The following RNF10 variants were observed in gnomAD, a reference collection of about 807,000 sequenced individuals.
RNF10 encodes the protein ring finger protein 10.
Under a neutral mutation model 91.4 loss-of-function variants are expected in RNF10, and 38 were observed. The observed-to-expected ratio is 0.42, with a 90% CI of 0.32 to 0.54. The LOEUF (loss-of-function observed/expected upper bound fraction) is 0.54, where lower values mean the gene tolerates loss of function less well. RNF10 is among the 20% of genes least tolerant of loss of function. RNF10 has a pLI of 0.16. For missense variants in RNF10, 945 were observed against 1,012.0 expected (o/e 0.93, Z 0.90); for synonymous variants, 364 against 366.3 (o/e 0.99, Z 0.07).
intron 14 of RNF10, chr12:120,574,961 C>G (rs1226171852): frequency 1.2e-5 from 2 of 164,738 alleles, no homozygotes; most frequent in African/African-American, 5.1e-5. Context: ...GGTACTAGGC[C>G]GGGCACAGTG....
At chr12:120,572,317 C>T (rs371145531) in intron 14 of RNF10, among the ~76,000 whole-genome samples, 25 of 152,198 alleles carry the variant, frequency 1.6e-4, no homozygotes, top group African/African-American at 6.0e-4. Flanking sequence ...CCGCCTGCCT[C>T]AGCCTCCCAA....
Position 120,571,192 on chromosome 12 carries a change from C to T in RNF10, c.2043C>T (p.Asp681=). ...ATCAGGTCTCTGGTTCCCTTTCAGA[C>T]TTTCTGCTGACCCCTCTGTCACCCA... ...PLSRSPGSHA[D]FLLTPLSPTA... is the part of the protein sequence containing the mutation. The change falls in exon 14 of 17, where the codon GAC becomes GAT. Residue 681 remains aspartate (D), a splice_region_variant and synonymous_variant. Coordinates refer to ENST00000325954, the MANE Select transcript of RNF10 (RefSeq NM_014868.5). The T allele has an allele frequency of 6.2e-7, 1 of 1,612,448 alleles. No individual in the cohort carries two copies. Among genetic ancestry groups the T allele is most frequent in the Non-Finnish European group, 8.5e-7 (1 of 1,178,734 alleles).
chr12:120,560,722 A>G lies in RNF10; in HGVS notation c.968-4A>G. 6.2e-7 allele frequency: 1 copy of G among 1,610,538 alleles called. No homozygotes were observed. Among genetic ancestry groups the G allele is most frequent in the Non-Finnish European group, 8.5e-7 (1 of 1,177,354 alleles). ...TTTCTTTGATCTTGCTGGCATTCTT[A>G]TAGATGAACAGCACAGCCAGTACTC... On this transcript the variant is annotated splice_polypyrimidine_tract_variant and splice_region_variant and intron_variant, in intron 6 of 16. Coordinates refer to ENST00000325954, the MANE Select transcript of RNF10 (RefSeq NM_014868.5).
At chr12:120,535,250 T>G (rs1373749174) in intron 1 of RNF10, among the ~76,000 whole-genome samples, 2 of 152,224 alleles carry the variant, frequency 1.3e-5, no homozygotes, top group Non-Finnish European at 2.9e-5. Flanking sequence ...CCAGCTAGTA[T>G]TTGGCTCACA....
At chr12:120,535,119 ATTAATG>A (rs1870555625) in intron 1 of RNF10, 151 bp downstream of exon 1, 1 of 870,454 alleles carries the variant, frequency 1.1e-6, no homozygotes, top group Non-Finnish European at 1.7e-6. Flanking sequence ...TTGCAGTTAC[ATTAATG>A]AGCGCTGTGC....
intron 14 of RNF10, 115 bp downstream of exon 14, chr12:120,571,406 A>G (rs1323989545): frequency 3.9e-6 from 3 of 775,586 alleles, no homozygotes; most frequent in African/African-American, 1.7e-5. Flanking sequence ...GGCTGGACAA[A>G]TTGAGTCATC....
chr12:120,562,009 T>C (rs1377067842), intron 7 of RNF10, among the ~76,000 whole-genome samples: 1 of 152,120 alleles, frequency 6.6e-6, no homozygotes, highest in African/African-American at 2.4e-5. Context: ...CTTTTATTTT[T>C]TTTAACTTTT....
rs759696966 is a variant in RNF10, at chr12:120,565,187, C to T, written c.1781C>T (p.Ser594Leu). The T allele has an allele frequency of 6.3e-7, 1 of 1,591,564 alleles. No homozygotes were observed. The highest frequency in any genetic ancestry group is 8.6e-7 in the Non-Finnish European group (1 of 1,159,464). The change falls in exon 11 of 17, where the codon TCA becomes TTA. Residue 594 changes from serine (S) to leucine (L), a missense_variant and splice_region_variant. Coordinates refer to ENST00000325954, the MANE Select transcript of RNF10 (RefSeq NM_014868.5). ...VVSKETLEMF[S>L]DDIEKRKRQR... ...TCTAAGGAAACCCTAGAGATGTTCTCAGGTGAGAATGCCCCTGCTCTGCTT... is the reference window on the plus strand; with the variant it reads ...TCTAAGGAAACCCTAGAGATGTTCTTAGGTGAGAATGCCCCTGCTCTGCTT...
intron 3 of RNF10, among the ~76,000 whole-genome samples, chr12:120,553,650 G>T (rs1873523628): frequency 6.6e-6 from 1 of 151,866 alleles, no homozygotes; most frequent in South Asian, 2.1e-4. Context: ...TGATCCACCC[G>T]CCTCGGCCTC....
chr12:120,541,965 C>A (rs112865272), intron 1 of RNF10, among the ~76,000 whole-genome samples: 7,441 of 151,416 alleles, frequency 0.049, 260 homozygotes, highest in East Asian at 0.12. Context: ...CTCCCAGGTT[C>A]ACACCGTTCT....
chr12:120,540,796 A>G (rs746826819), intron 1 of RNF10, among the ~76,000 whole-genome samples: 10 of 152,092 alleles, frequency 6.6e-5, no homozygotes, highest in Non-Finnish European at 1.3e-4. Context: ...TTTCCTTGCC[A>G]GTGTGGTAAT....
At chr12:120,556,420 A>C (rs1367785706) in intron 4 of RNF10, among the ~76,000 whole-genome samples, 4 of 148,326 alleles carry the variant, frequency 2.7e-5, no homozygotes, top group South Asian at 2.2e-4. Flanking sequence ...AGTCACAGCT[A>C]CTTGGGAGGC....
Position 120,571,223 on chromosome 12 carries a change from A to G in RNF10, c.2074A>G (p.Ser692Gly), listed in dbSNP as rs1372082987. ...FLLTPLSPTA[S>G]QGSPSFCVGS... ...GCTGACCCCTCTGTCACCCACTGCC[A>G]GTCAGGGCAGTCCCTCATTCTGCGT... Residue 692 changes from serine (S) to glycine (G), a missense_variant, in exon 14 of 17, where the codon AGT becomes GGT. By Grantham distance (56) the Ser-to-Gly change is moderately conservative. Transcript: ENST00000325954. 6.2e-7 allele frequency: 1 copy of G among 1,613,924 alleles called. No individual in the cohort carries two copies. Among genetic ancestry groups the G allele is most frequent in the East Asian group, 2.2e-5 (1 of 44,884 alleles).
chr12:120,550,246 T>C (rs75652711), intron 2 of RNF10, among the ~76,000 whole-genome samples: 4,538 of 152,056 alleles, frequency 0.03, 235 homozygotes, highest in African/African-American at 0.1. Flanking sequence ...CGGAAACCTG[T>C]AGGTGTGGTT....
intron 2 of RNF10, among the ~76,000 whole-genome samples, chr12:120,550,174 T>A (rs1234319852): frequency 6.6e-6 from 1 of 152,184 alleles, no homozygotes; most frequent in Non-Finnish European, 1.5e-5. Flanking sequence ...ACAGCCACAT[T>A]TCAAGTGCTT....
chr12:120,552,083 C>CAA (rs563764429), intron 2 of RNF10, among the ~76,000 whole-genome samples: 95 of 86,422 alleles, frequency 1.1e-3, no homozygotes, highest in East Asian at 1.4e-3. Flanking sequence ...GACTCTGTCT[C>CAA]AAAAAAAAAA....
intron 1 of RNF10, among the ~76,000 whole-genome samples, chr12:120,539,197 CAGAAA>C (rs1345769019): frequency 6.6e-6 from 1 of 152,108 alleles, no homozygotes; most frequent in Admixed American, 6.6e-5. Context: ...TCCTGTTTCA[CAGAAA>C]AGAAAATAGA....
At chr12:120,571,442 C>A (rs1330527793) in intron 14 of RNF10, 151 bp downstream of exon 14, 8 of 636,074 alleles carry the variant, frequency 1.3e-5, no homozygotes, top group Non-Finnish European at 2.2e-5. Flanking sequence ...AAGTTAACTG[C>A]CTGTCGGAGC....
At chr12:120,567,815 T>TA (rs1190627708) in intron 13 of RNF10, among the ~76,000 whole-genome samples, 5 of 151,678 alleles carry the variant, frequency 3.3e-5, no homozygotes, top group African/African-American at 7.3e-5. Flanking sequence ...TCGTGGGTTT[T>TA]AAAAAAACAC....
Sources: allele counts gnomAD v4.1 joint callset (sites outside exome capture counted in the v4.1 genomes callset), GRCh38; gene constraint gnomAD v4.1.1; transcripts MANE v1.5; gene names NCBI Gene and HGNC (gene_info 2026-07-23, HGNC 2026-07-21).